Variants in CSMD1 observed in about 807,000 individuals in gnomAD.
CSMD1 encodes CUB and Sushi multiple domains 1, also known as CUB and sushi domain-containing protein 1.
A neutral mutation model predicts 417.5 loss-of-function variants in CSMD1; 213 were observed. That is an observed-to-expected ratio of 0.51 (90% CI 0.46 to 0.57). The LOEUF (loss-of-function observed/expected upper bound fraction) is 0.57. Ranked by LOEUF, CSMD1 falls within the 20% of genes least tolerant of loss-of-function variation. The probability of loss-of-function intolerance (pLI) is 0.00; values close to 1 mark genes in which losing one functional copy is unlikely to be tolerated. For synonymous variants in CSMD1, 2,862 were observed against 1,736.8 expected (o/e 1.65, Z -16.11); for missense variants, 6,923 against 4,529.7 (o/e 1.53, Z -15.17).
chr8:3,346,755 G>A (rs1045614107), intron 22 of CSMD1, among the ~76,000 whole-genome samples: 1 of 152,148 alleles, frequency 6.6e-6, no homozygotes, highest in African/African-American at 2.4e-5. Flanking sequence ...TTGGCTTTCT[G>A]CATATTCTCT....
At chr8:4,355,695 C>G (rs549570531) in intron 3 of CSMD1, among the ~76,000 whole-genome samples, 2 of 152,186 alleles carry the variant, frequency 1.3e-5, no homozygotes, top group East Asian at 1.9e-4. Context: ...TCCTACCAAT[C>G]CCACTCCAAG....
At chr8:3,407,807 C>T in intron 14 of CSMD1, 92 bp downstream of exon 14, 3 of 1,086,030 alleles carry the variant, frequency 2.8e-6, no homozygotes, top group Non-Finnish European at 3.9e-6. Context: ...GAAGTATCAA[C>T]CTTGAAATGC....
chr8:4,185,301 T>C (rs1231373659), intron 3 of CSMD1, among the ~76,000 whole-genome samples: 1 of 152,122 alleles, frequency 6.6e-6, no homozygotes, highest in Admixed American at 6.5e-5. Context: ...AATCTTTTTG[T>C]TTTAGGGACC....
intron 3 of CSMD1, among the ~76,000 whole-genome samples, chr8:4,073,426 C>G (rs1251949582): frequency 2.0e-5 from 3 of 152,160 alleles, no homozygotes; most frequent in East Asian, 1.9e-4. Context: ...ATTTTGGGAG[C>G]TATTTGTTAT....
chr8:3,968,963 A>G (rs190909684), intron 5 of CSMD1, among the ~76,000 whole-genome samples: 1 of 152,278 alleles, frequency 6.6e-6, no homozygotes, highest in East Asian at 1.9e-4. Flanking sequence ...ACTAAGACCT[A>G]ATGCAGGGCA....
intron 3 of CSMD1, among the ~76,000 whole-genome samples, chr8:4,311,794 A>G (rs1346376811): frequency 6.6e-6 from 1 of 151,892 alleles, no homozygotes; most frequent in Non-Finnish European, 1.5e-5. Context: ...GGGGAACAAC[A>G]CACACTAGGG....
intron 26 of CSMD1, among the ~76,000 whole-genome samples, chr8:3,239,042 C>G (rs1303562613): frequency 6.6e-6 from 1 of 152,144 alleles, no homozygotes; most frequent in Middle Eastern, 3.2e-3. Context: ...AAAGGAACAT[C>G]TATACAGGAG....
chr8:4,738,679 A>C (rs552614996), intron 1 of CSMD1, among the ~76,000 whole-genome samples: 10 of 152,288 alleles, frequency 6.6e-5, no homozygotes, highest in African/African-American at 2.4e-4. Context: ...AAGTAAAAAA[A>C]ATCAGTATAT....
chr8:4,341,851 C>A (rs1800496145), intron 3 of CSMD1, among the ~76,000 whole-genome samples: 2 of 152,074 alleles, frequency 1.3e-5, no homozygotes, highest in African/African-American at 4.8e-5. Context: ...GGATGCTTCA[C>A]CCAGCAGCCA....
intron 23 of CSMD1, among the ~76,000 whole-genome samples, chr8:3,319,830 T>C (rs1449160960): frequency 6.6e-6 from 1 of 152,208 alleles, no homozygotes; most frequent in Non-Finnish European, 1.5e-5. Flanking sequence ...TTAATTTTCA[T>C]TGTCTAAATC....
At chr8:3,456,021 TC>T (rs1013165625) in intron 12 of CSMD1, among the ~76,000 whole-genome samples, 4 of 152,022 alleles carry the variant, frequency 2.6e-5, no homozygotes, top group African/African-American at 9.7e-5. Context: ...TGGGTGCCCC[TC>T]CCCCAGCCTC....
intron 4 of CSMD1, among the ~76,000 whole-genome samples, chr8:4,029,337 T>A (rs926055160): frequency 2.0e-5 from 3 of 152,118 alleles, no homozygotes; most frequent in African/African-American, 7.2e-5. Flanking sequence ...AATGGGCAAT[T>A]TACAAAAGAG....
At chr8:4,720,172 A>G (rs959201865) in intron 1 of CSMD1, among the ~76,000 whole-genome samples, 4 of 28,156 alleles carry the variant, frequency 1.4e-4, no homozygotes, top group Non-Finnish European at 3.4e-4. Flanking sequence ...CATATAACAT[A>G]TATATATATA....
chr8:3,696,504 G>T (rs1016751387), intron 7 of CSMD1, among the ~76,000 whole-genome samples: 2 of 152,188 alleles, frequency 1.3e-5, no homozygotes, highest in South Asian at 2.1e-4. Flanking sequence ...TGTGACGAAA[G>T]AAATGCTAAA....
intron 3 of CSMD1, among the ~76,000 whole-genome samples, chr8:4,033,094 G>T (rs531487459): frequency 5.5e-5 from 6 of 109,122 alleles, no homozygotes; most frequent in African/African-American, 2.1e-4. Context: ...CATGTCTTTA[G>T]ACAATAACTT....
chr8:3,468,775 T>A lies in CSMD1; in HGVS notation c.1498A>T (p.Met500Leu). ...TCATCCGACTGCAGATGTAGCCACA[T>A]CTGGTTGCTCATGCTCACAATGAGG... ...PDLIVSMSNQ[M>L]WLHLQSDDSI... is the part of the protein sequence containing the mutation. The change falls in exon 12 of 70, where the codon ATG (methionine) becomes TTG (leucine). Residue 500 changes from methionine to leucine, a missense_variant. By Grantham distance (15) the Met-to-Leu change is conservative (BLOSUM62 2). Transcript: ENST00000635120. 6.2e-7 allele frequency: 1 copy of A among 1,606,494 alleles called. No individual in the cohort carries two copies. The highest frequency in any genetic ancestry group is 8.5e-7 in the Non-Finnish European group (1 of 1,176,608).
At chr8:4,166,387 C>A (rs1003380903) in intron 3 of CSMD1, among the ~76,000 whole-genome samples, 1 of 152,022 alleles carries the variant, frequency 6.6e-6, no homozygotes, top group African/African-American at 2.4e-5. Flanking sequence ...AAAGTTCCCA[C>A]AATTAAAGAT....
chr8:3,537,790 G>C (rs566852296), intron 10 of CSMD1, among the ~76,000 whole-genome samples: 1 of 152,274 alleles, frequency 6.6e-6, no homozygotes, highest in African/African-American at 2.4e-5. Context: ...CAATTAAAGA[G>C]TCTCATCCAT....
intron 1 of CSMD1, among the ~76,000 whole-genome samples, chr8:4,785,601 G>A (rs1249740432): frequency 6.6e-6 from 1 of 152,068 alleles, no homozygotes; most frequent in Non-Finnish European, 1.5e-5. Flanking sequence ...TCTGACTTCA[G>A]GGGGCTCTGA....
Sources: allele counts gnomAD v4.1 joint callset (sites outside exome capture counted in the v4.1 genomes callset), GRCh38; gene constraint gnomAD v4.1.1; transcripts MANE v1.5; gene names NCBI Gene and HGNC (gene_info 2026-07-23, HGNC 2026-07-21).